Variants in C8orf34 observed in about 807,000 individuals in gnomAD.
C8orf34 encodes chromosome 8 open reading frame 34.
In C8orf34, 65 loss-of-function variants were observed where a neutral mutation model predicts 68.3. The ratio of observed to expected loss-of-function variants is 0.95; its 90% CI spans 0.78 to 1.17. The LOEUF (loss-of-function observed/expected upper bound fraction) is 1.17, where lower values mean the gene tolerates loss of function less well. Among genes scored for constraint, C8orf34 ranks in the 50% most tolerant of loss-of-function variants. The probability of loss-of-function intolerance (pLI) is 0.00; values close to 1 mark genes in which losing one functional copy is unlikely to be tolerated. For synonymous variants in C8orf34, 244 were observed against 241.2 expected, an observed-to-expected ratio of 1.01 and a Z score of -0.11; for missense variants, 664 against 655.4, an observed-to-expected ratio of 1.01 and a Z score of -0.14.
At chr8:68,471,719 G>A (rs937819467) in intron 4 of C8orf34, among the ~76,000 whole-genome samples, 1 of 152,052 alleles carries the variant, frequency 6.6e-6, no homozygotes, top group African/African-American at 2.4e-5. Flanking sequence ...AATCATTGAT[G>A]CAAAAGGCTG....
chr8:68,459,452 C>T (rs773669918), intron 3 of C8orf34, among the ~76,000 whole-genome samples: 6 of 152,108 alleles, frequency 3.9e-5, no homozygotes, highest in Admixed American at 3.3e-4. Flanking sequence ...AGGCTGGTCT[C>T]GAGCTCCTGA....
intron 8 of C8orf34, among the ~76,000 whole-genome samples, chr8:68,686,568 T>A (rs1259027282): frequency 6.6e-6 from 1 of 152,020 alleles, no homozygotes; most frequent in Non-Finnish European, 1.5e-5. Context: ...TTTGATAAAA[T>A]CCAGCATCCT....
intron 7 of C8orf34, among the ~76,000 whole-genome samples, chr8:68,615,826 C>T (rs993686678): frequency 6.6e-6 from 1 of 151,780 alleles, no homozygotes; most frequent in African/African-American, 2.4e-5. Context: ...GGGAGGATTC[C>T]CTCTTTTTCT....
rs1475948261 is a variant in C8orf34, at chr8:68,383,523, G to A, written c.327+52184G>A. On this transcript the variant is annotated intron_variant, in intron 1 of 13. Coordinates refer to ENST00000518698, the MANE Select transcript of C8orf34 (RefSeq NM_052958.4). ...ATATTCCCTTCAAGGTCCCTGCTGG[G>A]AGAAAGTATACTCGGGTCTAGAATG... Among the ~76,000 whole-genome samples the A allele has an allele frequency of 3.3e-5, 5 of 152,278 alleles. No individual in the cohort carries two copies. The East Asian group carries it at 5.8e-4, about 18-fold the overall frequency.
intron 3 of C8orf34, among the ~76,000 whole-genome samples, chr8:68,455,678 A>G (rs1811515070): frequency 6.6e-6 from 1 of 152,096 alleles, no homozygotes; most frequent in African/African-American, 2.4e-5. Flanking sequence ...TAGATCAAGT[A>G]AAAAAACTAT....
chr8:68,584,668 GA>G lies in C8orf34; in HGVS notation c.1105+51522del, dbSNP rs138737172. The stretch of plus-strand genomic sequence containing the variant: ...GTGTTCTCGTTAACAAAATTGTCCA[GA>G]AATCTGGAAAGAGAAACATTGTTTA... On this transcript the variant is annotated intron_variant, in intron 7 of 13. Coordinates refer to ENST00000518698, the MANE Select transcript of C8orf34 (RefSeq NM_052958.4). Among the ~76,000 whole-genome samples the G allele has an allele frequency of 7.2e-3, 1,101 of 152,202 alleles. 16 individuals are homozygous for G. The highest frequency in any genetic ancestry group is 0.025 in the African/African-American group (1,046 of 41,554).
At chr8:68,404,621 T>C (rs1809109093) in intron 1 of C8orf34, among the ~76,000 whole-genome samples, 1 of 152,256 alleles carries the variant, frequency 6.6e-6, no homozygotes, top group African/African-American at 2.4e-5. Flanking sequence ...ACACCATTTA[T>C]TAAATAGGGA....
At chr8:68,467,227 C>T (rs1812186849) in intron 3 of C8orf34, among the ~76,000 whole-genome samples, 1 of 151,846 alleles carries the variant, frequency 6.6e-6, no homozygotes, top group African/African-American at 2.4e-5. Context: ...TAAATATGTA[C>T]TCTACATTGG....
At chr8:68,626,515 A>C (rs1458021759) in intron 7 of C8orf34, among the ~76,000 whole-genome samples, 1 of 152,212 alleles carries the variant, frequency 6.6e-6, no homozygotes, top group Non-Finnish European at 1.5e-5. Context: ...TTGTCTCTCC[A>C]AATGGCTTTT....
At chr8:68,501,253 A>G (rs942231957) in intron 5 of C8orf34, among the ~76,000 whole-genome samples, 5 of 152,218 alleles carry the variant, frequency 3.3e-5, no homozygotes, top group Non-Finnish European at 7.3e-5. Flanking sequence ...GGATGTGGAC[A>G]CAGCCAACAA....
intron 7 of C8orf34, among the ~76,000 whole-genome samples, chr8:68,594,918 G>C (rs1294418189): frequency 6.6e-6 from 1 of 151,476 alleles, no homozygotes; most frequent in Non-Finnish European, 1.5e-5. Flanking sequence ...TGGCTTTCTG[G>C]TTTAAAATTT....
chr8:68,520,990 T>C (rs73266585), intron 5 of C8orf34, among the ~76,000 whole-genome samples: 29,790 of 152,126 alleles, frequency 0.2, 3,801 homozygotes, highest in African/African-American at 0.37. Context: ...AAATTTTGAT[T>C]TTATTTTACC....
intron 7 of C8orf34, among the ~76,000 whole-genome samples, chr8:68,616,692 G>A (rs1232774037): frequency 1.3e-5 from 2 of 152,074 alleles, no homozygotes; most frequent in Non-Finnish European, 2.9e-5. Flanking sequence ...CATTTGCTGA[G>A]GAGAGCTTTA....
chr8:68,433,374 A>G (rs574619176), intron 1 of C8orf34, among the ~76,000 whole-genome samples: 1 of 152,302 alleles, frequency 6.6e-6, no homozygotes, highest in South Asian at 2.1e-4. Context: ...TACCACCTCC[A>G]TCATTAATAG....
At chr8:68,727,948 T>G (rs1563633468) in intron 10 of C8orf34, among the ~76,000 whole-genome samples, 3 of 152,340 alleles carry the variant, frequency 2.0e-5, no homozygotes, top group East Asian at 3.9e-4. Context: ...AACATTAGGA[T>G]CCTTGCTACT....
intron 13 of C8orf34, among the ~76,000 whole-genome samples, 160 bp downstream of exon 13, chr8:68,816,105 AGTGTGTGTGT>A (rs71554629): frequency 6.9e-6 from 1 of 144,516 alleles, no homozygotes; most frequent in Non-Finnish European, 1.5e-5. Flanking sequence ...ATTTCCTAAG[AGTGTGTGTGT>A]GTGTGTGTGT....
intron 10 of C8orf34, among the ~76,000 whole-genome samples, chr8:68,729,502 C>T (rs1369803698): frequency 6.6e-6 from 1 of 152,152 alleles, no homozygotes; most frequent in African/African-American, 2.4e-5. Flanking sequence ...AATACTGTGT[C>T]TTCTTGGAGA....
chr8:68,717,936 A>G (rs1821524635), intron 9 of C8orf34, among the ~76,000 whole-genome samples: 1 of 152,152 alleles, frequency 6.6e-6, no homozygotes. Flanking sequence ...CACTAGCAAC[A>G]TGGAAGCCCC....
intron 1 of C8orf34, among the ~76,000 whole-genome samples, chr8:68,400,926 G>GC (rs1229960623): frequency 6.6e-6 from 1 of 152,108 alleles, no homozygotes; most frequent in African/African-American, 2.4e-5. Flanking sequence ...TGATGTTGGT[G>GC]TTTTCATAGA....
Sources: gnomAD v4.1 joint callset for allele counts (sites outside exome capture counted in the v4.1 genomes callset) on GRCh38, gnomAD v4.1.1 for gene constraint, MANE v1.5 for transcripts, NCBI Gene and HGNC (gene_info 2026-07-23, HGNC 2026-07-21) for gene names.